Variants in HMGN3 observed in about 807,000 individuals in gnomAD.
HMGN3 encodes high mobility group nucleosomal binding domain 3, also known as high mobility group nucleosome-binding domain-containing protein 3.
In HMGN3, 6 loss-of-function variants were observed where a neutral mutation model predicts 18.8. That is an observed-to-expected ratio of 0.32 (90% CI 0.18 to 0.63). HMGN3 has a LOEUF of 0.63. Ranked by LOEUF, HMGN3 falls within the 30% of genes least tolerant of loss-of-function variation. The pLI is 0.79. For synonymous variants in HMGN3, 40 were observed against 36.5 expected, an observed-to-expected ratio of 1.10 and a Z score of -0.35; for missense variants, 107 against 114.2, an observed-to-expected ratio of 0.94 and a Z score of 0.29.
intron 2 of HMGN3, 112 bp from the exon 3 acceptor site, chr6:79,208,688 T>A: frequency 1.2e-6 from 1 of 855,502 alleles, no homozygotes; most frequent in Non-Finnish European, 2.0e-6. Flanking sequence ...CTATAATGTA[T>A]GATTCCCATC....
intron 1 of HMGN3, among the ~76,000 whole-genome samples, chr6:79,219,313 G>T (rs1777154929): frequency 6.6e-6 from 1 of 152,108 alleles, no homozygotes; most frequent in Non-Finnish European, 1.5e-5. Context: ...TCAAGGAGTT[G>T]AGGAAAACTG....
At chr6:79,202,473 C>T in intron 4 of HMGN3, 84 bp from the exon 5 acceptor site, 6 of 1,088,804 alleles carry the variant, frequency 5.5e-6, no homozygotes, top group Non-Finnish European at 8.4e-6. Flanking sequence ...TGTCCAAACA[C>T]AAGGTGAAGT....
chr6:79,225,992 T>C (rs1279459581), intron 1 of HMGN3, among the ~76,000 whole-genome samples: 6 of 152,240 alleles, frequency 3.9e-5, no homozygotes, highest in Non-Finnish European at 8.8e-5. Context: ...TACGTAACTC[T>C]TGATTCCTCC....
intron 2 of HMGN3, among the ~76,000 whole-genome samples, chr6:79,210,545 C>T (rs1464761462): frequency 2.6e-5 from 4 of 152,130 alleles, no homozygotes; most frequent in African/African-American, 9.7e-5. Context: ...ATTTCTATGG[C>T]TCCAATATGT....
At chr6:79,201,820 ATTTGT>A in intron 5 of HMGN3, 94 bp from the exon 7 acceptor site, 1 of 1,521,840 alleles carries the variant, frequency 6.6e-7, no homozygotes, top group Non-Finnish European at 8.7e-7. Flanking sequence ...AGTTTTGAAC[ATTTGT>A]TTTCTTTTTT....
intron 1 of HMGN3, among the ~76,000 whole-genome samples, chr6:79,218,309 TATG>T (rs1777100022): frequency 1.3e-5 from 2 of 152,030 alleles, no homozygotes; most frequent in South Asian, 4.1e-4. Flanking sequence ...TATACAACAA[TATG>T]ATACTTAAAA....
At chr6:79,234,629 G>A (rs1015325468) in exon 1 of HMGN3, 3 of 1,501,294 alleles carry the variant, frequency 2.0e-6, no homozygotes, top group African/African-American at 2.8e-5. Flanking sequence ...GCTGGATGCT[G>A]CCTCTGCCTC....
chr6:79,209,000 G>T (rs1776554861), intron 2 of HMGN3, among the ~76,000 whole-genome samples: 2 of 152,174 alleles, frequency 1.3e-5, no homozygotes, highest in African/African-American at 4.8e-5. Flanking sequence ...TACAAGAAGA[G>T]ACTTATGCAA....
intron 1 of HMGN3, chr6:79,234,008 G>A (rs1202658768): frequency 1.3e-5 from 2 of 153,164 alleles, no homozygotes; most frequent in East Asian, 1.9e-4. Flanking sequence ...GTCTGCAGCG[G>A]AGGCGAGCAG....
intron 2 of HMGN3, among the ~76,000 whole-genome samples, chr6:79,211,670 G>A (rs1776698035): frequency 6.6e-6 from 1 of 151,962 alleles, no homozygotes; most frequent in African/African-American, 2.4e-5. Context: ...AAACAGATAC[G>A]ACAAATGTGA....
At chr6:79,214,220 T>TA (rs1297857904) in intron 2 of HMGN3, among the ~76,000 whole-genome samples, 1 of 150,840 alleles carries the variant, frequency 6.6e-6, no homozygotes. Flanking sequence ...TTTTTTTTTT[T>TA]AGAGTCTCTC....
intron 1 of HMGN3, among the ~76,000 whole-genome samples, chr6:79,228,594 C>A (rs1293160134): frequency 6.6e-6 from 1 of 152,006 alleles, no homozygotes; most frequent in Non-Finnish European, 1.5e-5. Flanking sequence ...TAAAGTGATT[C>A]TAAAATTTAC....
At chr6:79,208,507 C>G in intron 3 of HMGN3, 40 bp downstream of exon 3, 1 of 1,509,376 alleles carries the variant, frequency 6.6e-7, no homozygotes, top group Non-Finnish European at 9.2e-7. Flanking sequence ...GGAACATGTA[C>G]TCATAAGAAC....
chr6:79,231,227 T>C (rs1777823462), intron 1 of HMGN3, among the ~76,000 whole-genome samples: 1 of 152,238 alleles, frequency 6.6e-6, no homozygotes, highest in Non-Finnish European at 1.5e-5. Context: ...GGACTGTGAC[T>C]CTAGGCCTCG....
chr6:79,225,020 A>G (rs1777498206), intron 1 of HMGN3, among the ~76,000 whole-genome samples: 1 of 152,236 alleles, frequency 6.6e-6, no homozygotes, highest in South Asian at 2.1e-4. Context: ...TAGTCAGAAT[A>G]TAGTTTGTTA....
intron 1 of HMGN3, among the ~76,000 whole-genome samples, chr6:79,222,790 T>C (rs1231674766): frequency 6.6e-6 from 1 of 152,222 alleles, no homozygotes; most frequent in African/African-American, 2.4e-5. Flanking sequence ...AACAGGTGAC[T>C]TCTATAAACT....
At chr6:79,201,909 CTT>C (rs1362780416) in intron 5 of HMGN3, 152 bp downstream of exon 6, 5 of 984,568 alleles carry the variant, frequency 5.1e-6, no homozygotes, top group Non-Finnish European at 6.0e-6. Flanking sequence ...TACACAAACA[CTT>C]TGTTTCATTT....
chr6:79,202,502 G>T, intron 4 of HMGN3, 113 bp from the exon 5 acceptor site: 1 of 887,260 alleles, frequency 1.1e-6, no homozygotes, highest in Non-Finnish European at 1.8e-6. Flanking sequence ...TACCATCATG[G>T]TGGCCTTTAT....
At chr6:79,207,441 GC>G (rs1331007089) in intron 3 of HMGN3, among the ~76,000 whole-genome samples, 1 of 152,138 alleles carries the variant, frequency 6.6e-6, no homozygotes, top group African/African-American at 2.4e-5. Flanking sequence ...CTCTCTCTCT[GC>G]CTGCTGCCAT....
Sources: gnomAD v4.1 joint callset for allele counts (sites outside exome capture counted in the v4.1 genomes callset) on GRCh38, gnomAD v4.1.1 for gene constraint, MANE v1.5 for transcripts, NCBI Gene and HGNC (gene_info 2026-07-23, HGNC 2026-07-21) for gene names.